Variants in SLC16A9 observed in about 807,000 individuals in gnomAD.
SLC16A9 encodes monocarboxylate transporter 9.
SLC16A9 carries 26 observed loss-of-function variants against 44.3 expected under a neutral mutation model. The ratio of observed to expected loss-of-function variants is 0.59; its 90% confidence interval spans 0.43 to 0.81. The LOEUF is 0.81. Ranked by LOEUF, SLC16A9 falls within the 40% of genes least tolerant of loss-of-function variation. The probability of loss-of-function intolerance (pLI) is 0.00; values close to 1 mark genes in which losing one functional copy is unlikely to be tolerated. For synonymous variants in SLC16A9, 230 were observed against 225.1 expected (o/e 1.02, Z -0.19); for missense variants, 559 against 595.8 (o/e 0.94, Z 0.64).
At chr10:59,699,822 C>T (rs1266948919) in intron 1 of SLC16A9, among the ~76,000 whole-genome samples, 1 of 151,862 alleles carries the variant, frequency 6.6e-6, no homozygotes, top group Non-Finnish European at 1.5e-5. Flanking sequence ...CGACTCTCCT[C>T]CTTCCCTGCC....
At chr10:59,658,000 G>A (rs1245037885) in intron 4 of SLC16A9, among the ~76,000 whole-genome samples, 1 of 152,040 alleles carries the variant, frequency 6.6e-6, no homozygotes, top group Admixed American at 6.6e-5. Flanking sequence ...CATTAAAACA[G>A]GCACCTTAAG....
At chr10:59,690,486 A>T (rs1373959033) in intron 1 of SLC16A9, among the ~76,000 whole-genome samples, 1 of 152,174 alleles carries the variant, frequency 6.6e-6, no homozygotes, top group Non-Finnish European at 1.5e-5. Flanking sequence ...CAGGAGTGGA[A>T]GGGCCTCATA....
intron 1 of SLC16A9, among the ~76,000 whole-genome samples, chr10:59,701,520 C>G (rs1840523088): frequency 1.3e-5 from 2 of 152,190 alleles, no homozygotes; most frequent in South Asian, 4.1e-4. Flanking sequence ...GACAATCATT[C>G]TTTCCCTCAT....
intron 3 of SLC16A9, among the ~76,000 whole-genome samples, chr10:59,669,224 A>G (rs1360681904): frequency 6.6e-6 from 1 of 152,212 alleles, no homozygotes; most frequent in African/African-American, 2.4e-5. Context: ...TGAGCAAATC[A>G]TTACAGGCAC....
At chr10:59,658,927 T>A (rs1392662963) in intron 4 of SLC16A9, among the ~76,000 whole-genome samples, 2 of 152,182 alleles carry the variant, frequency 1.3e-5, no homozygotes, top group Non-Finnish European at 2.9e-5. Flanking sequence ...GAATAACTAC[T>A]GACGTTCTTC....
chr10:59,679,071 T>C (rs1297653907), intron 2 of SLC16A9, among the ~76,000 whole-genome samples: 2 of 152,154 alleles, frequency 1.3e-5, no homozygotes, highest in Non-Finnish European at 2.9e-5. Context: ...TTGAACACCT[T>C]TGGAGGAAGT....
intron 3 of SLC16A9, among the ~76,000 whole-genome samples, chr10:59,672,185 C>G (rs183103833): frequency 1.5e-3 from 227 of 152,276 alleles, no homozygotes; most frequent in African/African-American, 5.3e-3. Flanking sequence ...TTTCAGTACT[C>G]TAAGGCCCTG....
rs1334268727 is a variant in SLC16A9, at chr10:59,696,974, G to A, written c.-37+12505C>T. ...GCCCGGCCAGCCGCCCCGTCCAGAA[G>A]GGAGGTGGGGGGGTCAGCCCCCCGC... On this transcript the variant is annotated intron_variant, in intron 1 of 5. Transcript: ENST00000395348. 3.7e-5 allele frequency among the ~76,000 whole-genome samples: 5 copies of A among 134,546 alleles called. No homozygotes were observed. The East Asian group carries it at 7.3e-4, about 20-fold the overall frequency. 88.3% of individuals were successfully genotyped at this position (134,546 alleles called of 152,430 possible).
rs1158451281 is a variant in SLC16A9, at chr10:59,653,798, C to CA, written c.1227dup (p.Gly410TrpfsTer2). The CA allele has an allele frequency of 6.2e-7, 1 of 1,614,078 alleles. No homozygotes were observed. Among genetic ancestry groups the CA allele is most frequent in the Admixed American group, 1.7e-5 (1 of 60,014 alleles). On this transcript the variant is annotated frameshift_variant, in exon 5 of 6. Coordinates refer to ENST00000395348, the MANE Select transcript of SLC16A9 (RefSeq NM_194298.3). LOFTEE classifies it high-confidence loss of function. ...ACATATGGAAAGATGGACCAATTACCAGTAAGAAACCCTAGGATCCCAGAA... is the reference window on the plus strand; with the variant it reads ...ACATATGGAAAGATGGACCAATTACCAAGTAAGAAACCCTAGGATCCCAGAA...
rs1204538155 is a variant in SLC16A9, at chr10:59,654,536, A to C, written c.490T>G (p.Phe164Val). The change falls in exon 5 of 6, where the codon TTC (phenylalanine) becomes GTC (valine). Residue 164 changes from phenylalanine (F) to valine (V), a missense_variant. Transcript: ENST00000395348. ...YAALQRMLVE[F>V]YGLDGCLLIV... ...AGCAAGCATCCATCCAGTCCATAGAACTCAACCAGCATCCTCTGCAGAGCA... is the reference window on the plus strand; with the variant it reads ...AGCAAGCATCCATCCAGTCCATAGACCTCAACCAGCATCCTCTGCAGAGCA... The C allele has an allele frequency of 2.7e-5, 43 of 1,607,162 alleles. No individual in the cohort carries two copies. Among genetic ancestry groups the C allele is most frequent in the Non-Finnish European group, 3.6e-5 (43 of 1,179,828 alleles).
chr10:59,677,965 C>T (rs1184891782), intron 2 of SLC16A9, among the ~76,000 whole-genome samples: 2 of 151,574 alleles, frequency 1.3e-5, no homozygotes, highest in Admixed American at 6.6e-5. Flanking sequence ...ATACATGTGC[C>T]ATGCTGGTGC....
At chr10:59,703,821 C>T (rs1409463894) in intron 1 of SLC16A9, among the ~76,000 whole-genome samples, 1 of 151,958 alleles carries the variant, frequency 6.6e-6, no homozygotes, top group South Asian at 2.1e-4. Context: ...CGGGTTCACG[C>T]CATTCTCCTG....
intron 1 of SLC16A9, among the ~76,000 whole-genome samples, chr10:59,700,279 A>G (rs1840494240): frequency 6.6e-6 from 1 of 152,182 alleles, no homozygotes; most frequent in Non-Finnish European, 1.5e-5. Context: ...CAGTACAGTT[A>G]TTAGGGTACC....
chr10:59,694,801 A>AATATAT (rs1554874045), intron 1 of SLC16A9, among the ~76,000 whole-genome samples: 4,618 of 72,368 alleles, frequency 0.064, 791 homozygotes, highest in African/African-American at 0.17. Context: ...CTCCATCTCA[A>AATATAT]ATATATATAT....
intron 2 of SLC16A9, among the ~76,000 whole-genome samples, chr10:59,678,420 T>G (rs1285356822): frequency 6.6e-6 from 1 of 151,648 alleles, no homozygotes; most frequent in African/African-American, 2.4e-5. Flanking sequence ...CCCACTCAAA[T>G]TGTTGATCTC....
In SLC16A9 at chr10:59,694,817, TAC is replaced by T. The variant is rs1554874046; in HGVS notation, c.-36-10492_-36-10491del. Among the ~76,000 whole-genome samples the T allele has an allele frequency of 1.0e-3, 49 of 47,586 alleles. 1 individual carries two copies. Among genetic ancestry groups the T allele is most frequent in the African/African-American group, 2.4e-3 (29 of 12,336 alleles). 31.2% of individuals were successfully genotyped at this position (47,586 alleles called of 152,430 possible). ...TCCATCTCAAATATATATATATATATACACACACACACACACATATATATACA... is the reference window on the plus strand; with the variant it reads ...TCCATCTCAAATATATATATATATATACACACACACACACATATATATACA... On this transcript the variant is annotated intron_variant, in intron 1 of 5. Coordinates refer to ENST00000395348, the MANE Select transcript of SLC16A9 (RefSeq NM_194298.3).
chr10:59,697,979 A>AAT (rs1159666509), intron 1 of SLC16A9, among the ~76,000 whole-genome samples: 1 of 150,482 alleles, frequency 6.6e-6, no homozygotes, highest in Non-Finnish European at 1.5e-5. Flanking sequence ...AAAAACAAAA[A>AAT]ACAAAACAAA....
chr10:59,654,158 A>G lies in SLC16A9; in HGVS notation c.868T>C (p.Tyr290His). The change falls in exon 5 of 6, where the codon TAT becomes CAT. Residue 290 changes from tyrosine to histidine, a missense_variant. Coordinates refer to ENST00000395348, the MANE Select transcript of SLC16A9 (RefSeq NM_194298.3). ...KQLAKRKWQL[Y>H]KNYCGETVAL... ...ACAGTTTCACCACAGTAGTTTTTAT[A>G]TAACTGCCACTTCCTCTTGGCAAGC... is the stretch of plus-strand genomic sequence containing the variant. The G allele has an allele frequency of 1.2e-6, 2 of 1,614,146 alleles. No homozygotes were observed. The highest frequency in any genetic ancestry group is 1.7e-6 in the Non-Finnish European group (2 of 1,180,012).
At chr10:59,695,740 C>A (rs895782313) in intron 1 of SLC16A9, among the ~76,000 whole-genome samples, 2 of 152,268 alleles carry the variant, frequency 1.3e-5, no homozygotes, top group South Asian at 4.1e-4. Flanking sequence ...TCCTCAGGTG[C>A]AGGAATGCCT....
Sources: allele counts gnomAD v4.1 joint callset (sites outside exome capture counted in the v4.1 genomes callset), GRCh38; gene constraint gnomAD v4.1.1; transcripts MANE v1.5; gene names NCBI Gene and HGNC (gene_info 2026-07-23, HGNC 2026-07-21).